SEC23B: variants seen among roughly 807,000 people sequenced by gnomAD.
SEC23B encodes the protein SEC23 homolog B, COPII component.
Under a neutral mutation model 104.3 loss-of-function variants are expected in SEC23B, and 77 were observed. The ratio of observed to expected loss-of-function variants is 0.74; its 90% confidence interval spans 0.61 to 0.89. SEC23B has a LOEUF of 0.89. SEC23B is among the 40% of genes least tolerant of loss of function. SEC23B has a pLI of 0.00. For synonymous variants in SEC23B, 338 were observed against 332.5 expected (o/e 1.02, Z -0.18); for missense variants, 885 against 949.4 (o/e 0.93, Z 0.89).
chr20:18,545,831 TA>T, intron 14 of SEC23B, 124 bp from the exon 15 acceptor site: 1 of 731,330 alleles, frequency 1.4e-6, no homozygotes, highest in Non-Finnish European at 2.5e-6. Context: ...CTAGGACTTA[TA>T]GTAAGTGGCA....
At chr20:18,554,125 A>G in intron 17 of SEC23B, 110 bp from the exon 18 acceptor site, 1 of 1,241,198 alleles carries the variant, frequency 8.1e-7, no homozygotes, top group Non-Finnish European at 1.2e-6. Flanking sequence ...TTTTGATATT[A>G]GACTTCTTCA....
At chr20:18,532,643 A>G in intron 10 of SEC23B, 21 bp from the exon 11 acceptor site, 1 of 1,568,314 alleles carries the variant, frequency 6.4e-7, no homozygotes, top group Non-Finnish European at 8.8e-7. Flanking sequence ...TTAACTTTAC[A>G]CTGTCACATA....
At chr20:18,544,213 A>G (rs1740754538) in intron 14 of SEC23B, among the ~76,000 whole-genome samples, 1 of 152,204 alleles carries the variant, frequency 6.6e-6, no homozygotes, top group African/African-American at 2.4e-5. Flanking sequence ...TGTGTTTGTG[A>G]TCAAAGCCAC....
At position 18,527,277 on chromosome 20, in the gene SEC23B, C is replaced by G. The variant is rs191367654; in HGVS notation, c.994-219C>G. ...GGGATGGTGGCGCACGCTTTTAATC[C>G]CAGCTACTTGGGAGGCTGAGGCAGG... On this transcript the variant is annotated intron_variant, in intron 8 of 19. Transcript: ENST00000650089. 1.4e-4 allele frequency among the ~76,000 whole-genome samples: 21 copies of G among 151,906 alleles called. No individual in the cohort carries two copies. In the East Asian group the frequency reaches 4.1e-3, roughly 29 times the overall value.
Position 18,542,322 on chromosome 20 carries a change from C to T in SEC23B, c.1431C>T (p.Gly477=). ...NQHNTPIPQG[G]RGAIQFVTHY... ...ACAACACCCCGATCCCCCAAGGAGG[C>T]AGAGGAGCCATCCAGTTTGTCACGC... The change falls in exon 13 of 20, where the codon GGC becomes GGT. Residue 477 remains glycine (G), a synonymous_variant. Transcript: ENST00000650089. 1 of 1,614,204 alleles carries T rather than the reference C, an allele frequency of 6.2e-7. No individual in the cohort carries two copies. Among genetic ancestry groups the T allele is most frequent in the Non-Finnish European group, 8.5e-7 (1 of 1,180,034 alleles).
intron 8 of SEC23B, 142 bp from the exon 9 acceptor site, chr20:18,527,354 G>A: frequency 1.4e-6 from 1 of 705,090 alleles, no homozygotes; most frequent in South Asian, 1.5e-5. Flanking sequence ...CTCTAGCCTG[G>A]GCAACAGAGA....
At chr20:18,541,694 C>T (rs2060289225) in intron 12 of SEC23B, among the ~76,000 whole-genome samples, 1 of 152,070 alleles carries the variant, frequency 6.6e-6, no homozygotes, top group South Asian at 2.1e-4. Flanking sequence ...TGTAGCACCC[C>T]AAAACAATTA....
At chr20:18,544,561 G>A (rs568531979) in intron 14 of SEC23B, among the ~76,000 whole-genome samples, 2 of 152,336 alleles carry the variant, frequency 1.3e-5, no homozygotes, top group East Asian at 3.9e-4. Flanking sequence ...AGTGTCACAG[G>A]AGGCTAGGTT....
At chr20:18,537,543 A>G (rs932739257) in intron 12 of SEC23B, among the ~76,000 whole-genome samples, 1 of 152,018 alleles carries the variant, frequency 6.6e-6, no homozygotes, top group Non-Finnish European at 1.5e-5. Context: ...CATTGAGAAC[A>G]CATGGACACA....
At chr20:18,510,411 G>A (rs114233306) in intron 1 of SEC23B, among the ~76,000 whole-genome samples, 1,665 of 152,336 alleles carry the variant, frequency 0.011, 35 homozygotes, top group African/African-American at 0.038. Flanking sequence ...TTGGGTATCA[G>A]ATGGAAAAGA....
chr20:18,532,621 T>G, intron 10 of SEC23B, 43 bp from the exon 11 acceptor site: 1 of 1,364,486 alleles, frequency 7.3e-7, no homozygotes, highest in Non-Finnish European at 1.1e-6. Flanking sequence ...GCAGGGTGGA[T>G]TGAAGTGATC....
intron 17 of SEC23B, among the ~76,000 whole-genome samples, chr20:18,553,974 C>G (rs2060411423): frequency 6.6e-6 from 1 of 152,070 alleles, no homozygotes; most frequent in African/African-American, 2.4e-5. Flanking sequence ...AATCCATGGG[C>G]TTTGTTAACT....
chr20:18,524,802 C>A, intron 5 of SEC23B, 133 bp downstream of exon 5: 1 of 1,200,382 alleles, frequency 8.3e-7, no homozygotes. Context: ...AAGCCATTGG[C>A]CCACCTCAGC....
rs1227828852 is a variant in SEC23B, at chr20:18,529,460, G to C, written c.1110-1220G>C. 3.9e-5 allele frequency among the ~76,000 whole-genome samples: 6 copies of C among 152,336 alleles called. 1 individual carries two copies. The South Asian group carries it at 1.2e-3, about 32-fold the overall frequency. ...GTGTTAGTATTAGAGTTGTGTGAATGTCACAGAAAACCCACAATAAGTTTA... is the reference window on the plus strand; with the variant it reads ...GTGTTAGTATTAGAGTTGTGTGAATCTCACAGAAAACCCACAATAAGTTTA... On this transcript the variant is annotated intron_variant, in intron 9 of 19. Transcript: ENST00000650089.
Position 18,561,248 on chromosome 20 carries a change from G to A in SEC23B, c.*508G>A, listed in dbSNP as rs143339109. Reference sequence around the variant, plus strand: ...TGAAACAAATATACCTTATCCTAAAGAGCTCATAACAAATAAGTTACCTCC... The same window carrying A: ...TGAAACAAATATACCTTATCCTAAAAAGCTCATAACAAATAAGTTACCTCC... On this transcript the variant is annotated 3_prime_UTR_variant, in exon 20 of 20. Coordinates refer to ENST00000650089, the MANE Select transcript of SEC23B (RefSeq NM_006363.6). 1 of 159,826 alleles carries A rather than the reference G, an allele frequency of 6.3e-6. No individual in the cohort carries two copies. The highest frequency in any genetic ancestry group is 1.4e-5 in the Non-Finnish European group (1 of 72,716). 9.9% of individuals were successfully genotyped at this position (159,826 alleles called of 1,614,324 possible). A position where few individuals can be genotyped will look rare whatever the true frequency, so the allele number is the denominator to read the frequency against.
At chr20:18,546,951 T>G (rs2060338576) in intron 15 of SEC23B, among the ~76,000 whole-genome samples, 1 of 147,668 alleles carries the variant, frequency 6.8e-6, no homozygotes, top group African/African-American at 2.5e-5. Context: ...ATCCTTTCTT[T>G]GAGAGGAGCT....
intron 19 of SEC23B, among the ~76,000 whole-genome samples, chr20:18,557,093 C>T (rs764582384): frequency 1.3e-5 from 2 of 152,118 alleles, no homozygotes; most frequent in Non-Finnish European, 2.9e-5. Context: ...ATATTTAGAC[C>T]ATTTATATAT....
chr20:18,524,797 A>G, intron 5 of SEC23B, 128 bp downstream of exon 5: 1 of 1,208,334 alleles, frequency 8.3e-7, no homozygotes, highest in Non-Finnish European at 1.2e-6. Context: ...GGCTCAAGCC[A>G]TTGGCCCACC....
chr20:18,508,384 A>G (rs1421905535), intron 1 of SEC23B: 1 of 152,284 alleles, frequency 6.6e-6, no homozygotes, highest in African/African-American at 2.4e-5. Flanking sequence ...AGTTGGCGCG[A>G]TAAGGGTGGT....
Sources: gnomAD v4.1 joint callset for allele counts (sites outside exome capture counted in the v4.1 genomes callset) on GRCh38, gnomAD v4.1.1 for gene constraint, MANE v1.5 for transcripts, NCBI Gene and HGNC (gene_info 2026-07-23, HGNC 2026-07-21) for gene names.